DHX30: variants seen among roughly 807,000 people sequenced by gnomAD.
DHX30 encodes the protein ATP-dependent RNA helicase DHX30.
Under a neutral mutation model 116.9 loss-of-function variants are expected in DHX30, and 4 were observed. The ratio of observed to expected loss-of-function variants is 0.03; its 90% CI spans 0.02 to 0.08. The LOEUF (loss-of-function observed/expected upper bound fraction) is 0.08, where lower values mean the gene tolerates loss of function less well. DHX30 is among the 10% of genes least tolerant of loss of function. The pLI, the probability that DHX30 is intolerant of heterozygous loss-of-function variation, is 1.00. For missense variants in DHX30, 871 were observed against 1,595.1 expected (o/e 0.55, Z 7.73); for synonymous variants, 697 against 651.7 (o/e 1.07, Z -1.06).
chr3:47,841,887 G>A, intron 8 of DHX30, 150 bp downstream of exon 8: 3 of 1,124,514 alleles, frequency 2.7e-6, no homozygotes, highest in Non-Finnish European at 3.9e-6. Flanking sequence ...GGGAGGAAAA[G>A]CAGCAGGTGT....
intron 4 of DHX30, 88 bp downstream of exon 4, chr3:47,818,205 C>T (rs889968447): frequency 1.5e-5 from 11 of 712,464 alleles, no homozygotes; most frequent in Non-Finnish European, 2.6e-5. Context: ...GCCAGGGCCA[C>T]AGCCCTCCAG....
Position 47,850,106 on chromosome 3 carries a change from A to G in DHX30, c.3571A>G (p.Thr1191Ala). The change falls in exon 22 of 22, where the codon ACA becomes GCA. Residue 1191 changes from threonine to alanine, a missense_variant. Thr to Ala is a moderately conservative substitution (Grantham distance 58). Transcript: ENST00000445061. The part of the protein sequence containing the change: ...GPCGSFDVRK[T>A]ADD ...CTGTGGCAGCTTTGATGTGCGCAAG[A>G]CAGCTGACGACTGAGCCCTGCTTCT... is the stretch of plus-strand genomic sequence containing the variant. The G allele has an allele frequency of 4.4e-6, 7 of 1,590,670 alleles. No homozygotes were observed. The highest frequency in any genetic ancestry group is 6.0e-6 in the Non-Finnish European group (7 of 1,171,288).
rs142347684 is a variant in DHX30, at chr3:47,846,319, G to C, written c.1247G>C (p.Ser416Thr). 45 of 1,614,110 alleles carry C rather than the reference G, an allele frequency of 2.8e-5. No individual in the cohort carries two copies. Among genetic ancestry groups the C allele is most frequent in the African/African-American group, 4.0e-5 (3 of 74,952 alleles). ...GCAGAGGAGGTACGTCTCAGCCAGA[G>C]TCTGCTAGAACTGTGGCGGCGGCGA... is the stretch of plus-strand genomic sequence containing the variant. Reference protein sequence around the residue: ...LEAEEVRLSQSLLELWRRRGP... With the variant: ...LEAEEVRLSQTLLELWRRRGP... The change falls in exon 11 of 22, where the codon AGT (serine) becomes ACT (threonine). Residue 416 changes from serine (S) to threonine (T), a missense_variant. By Grantham distance (58) the Ser-to-Thr change is moderately conservative. This residue lies in a region of DHX30 where 175 missense variants were observed against 292.9 expected (regional missense o/e 0.60). Coordinates refer to ENST00000445061, the MANE Select transcript of DHX30 (RefSeq NM_138615.3).
intron 3 of DHX30, 118 bp downstream of exon 3, chr3:47,810,829 C>A: frequency 9.3e-7 from 1 of 1,070,822 alleles, no homozygotes; most frequent in Non-Finnish European, 1.4e-6. Flanking sequence ...GGGTGGTTTT[C>A]CAAAGGCCTT....
In DHX30 at chr3:47,845,750, T is replaced by C; in HGVS notation, c.990T>C (p.Tyr330=). 2 of 1,612,390 alleles carry C rather than the reference T, an allele frequency of 1.2e-6. No individual in the cohort carries two copies. The highest frequency in any genetic ancestry group is 2.2e-5 in the East Asian group (1 of 44,802). Residue 330 remains tyrosine, a synonymous_variant, in exon 10 of 22, where the codon TAT becomes TAC. Coordinates refer to ENST00000445061, the MANE Select transcript of DHX30 (RefSeq NM_138615.3). ...ACGAACCGCTTACACACGCCATGTA[T>C]AACCTGGCCTCTTTGCGTGAGCTGG... ...RNNEPLTHAM[Y]NLASLRELGE... is the part of the protein sequence containing the mutation.
rs751184330 is a variant in DHX30 at position 47,848,558 on chromosome 3, GGGGCT to G, written c.2575+27_2575+31del. On this transcript the variant is annotated intron_variant, in intron 16 of 21. Transcript: ENST00000445061. This position sits in a 1 kb window ranked among gnomAD's most constrained non-coding sequence, Gnocchi z 9.4. ...TCTTGCTCCAGGAGATCGGTATGTA[GGGGCT>G]GGGCTGGGCTGGGCTGGGGAGTGGC... is the stretch of plus-strand genomic sequence containing the variant. The G allele has an allele frequency of 4.4e-4, 710 of 1,612,496 alleles. No homozygotes were observed. Among genetic ancestry groups the G allele is most frequent in the Non-Finnish European group, 5.4e-4 (633 of 1,178,772 alleles).
At position 47,847,725 on chromosome 3, in the gene DHX30, A is replaced by AG; in HGVS notation, c.2111-50dup. The stretch of plus-strand genomic sequence containing the variant: ...AAAATCCTTGCCCTGCCCACATTCC[A>AG]GGGGGGAATTCTGGTGGAAGCAGTG... On this transcript the variant is annotated intron_variant, in intron 13 of 21. Coordinates refer to ENST00000445061, the MANE Select transcript of DHX30 (RefSeq NM_138615.3). The surrounding 1 kb of genome is among the most constrained non-coding windows in gnomAD (Gnocchi z 5.5). The AG allele has an allele frequency of 6.3e-7, 1 of 1,580,012 alleles. No individual in the cohort carries two copies. Among genetic ancestry groups the AG allele is most frequent in the Admixed American group, 1.8e-5 (1 of 57,024 alleles).
rs1325744938 is a variant in DHX30 at position 47,847,065 on chromosome 3, T to C, written c.1929+64T>C. 7.1e-6 allele frequency: 11 copies of C among 1,559,994 alleles called. No individual in the cohort carries two copies. The highest frequency in any genetic ancestry group is 1.7e-5 in the Admixed American group (1 of 57,512). On this transcript the variant is annotated intron_variant, in intron 11 of 21. Transcript: ENST00000445061. This position sits in a 1 kb window ranked among gnomAD's most constrained non-coding sequence, Gnocchi z 5.5. ...TTCCTCCGTGGATGCCCCTCCTCCC[T>C]GGCCCTGGGGCTTGGTGCCTGGGGC...
chr3:47,837,474 A>C lies in DHX30; in HGVS notation c.367-3403A>C, dbSNP rs1033743761. Among the ~76,000 whole-genome samples the C allele has an allele frequency of 3.3e-5, 5 of 152,178 alleles. No individual in the cohort carries two copies. In the South Asian group the frequency reaches 1.0e-3, roughly 32 times the overall value. ...CGGCAGCTGTGGAGGAGGTTTCTTC[A>C]ACGGTATTAGAGGGCCAGGCATGAG... is the stretch of plus-strand genomic sequence containing the variant. On this transcript the variant is annotated intron_variant, in intron 6 of 21. Coordinates refer to ENST00000445061, the MANE Select transcript of DHX30 (RefSeq NM_138615.3).
At chr3:47,812,388 C>G (rs1446046641) in intron 3 of DHX30, among the ~76,000 whole-genome samples, 1 of 150,978 alleles carries the variant, frequency 6.6e-6, no homozygotes, top group Non-Finnish European at 1.5e-5. Context: ...TGAGACCCGT[C>G]TCTACTAAAA....
In DHX30 at chr3:47,849,256, C is replaced by T; in HGVS notation, c.2994C>T (p.Cys998=). 1 of 1,614,146 alleles carries T rather than the reference C, an allele frequency of 6.2e-7. No individual in the cohort carries two copies. Among genetic ancestry groups the T allele is most frequent in the Non-Finnish European group, 8.5e-7 (1 of 1,180,038 alleles). The change falls in exon 19 of 22, where the codon TGC becomes TGT. Residue 998 remains cysteine, a synonymous_variant. Coordinates refer to ENST00000445061, the MANE Select transcript of DHX30 (RefSeq NM_138615.3). ...TCCTGGTGGGGAAGCCCTCGGACTGCACCCTGGCCTCCGCCCAGTGCAACG... is the reference window on the plus strand; with the variant it reads ...TCCTGGTGGGGAAGCCCTCGGACTGTACCCTGGCCTCCGCCCAGTGCAACG... ...EAFLVGKPSD[C]TLASAQCNEY...
rs2036484093 is a variant in DHX30 at position 47,825,053 on chromosome 3, G to T, written c.125-2294G>T. The T allele has an allele frequency of 7.6e-6, 5 of 661,370 alleles. No individual in the cohort carries two copies. The South Asian group carries it at 7.8e-5, about 10-fold the overall frequency. 41.0% of individuals were successfully genotyped at this position (661,370 alleles called of 1,614,324 possible). On this transcript the variant is annotated intron_variant, in intron 4 of 21. Transcript: ENST00000445061. ...GGCGGGAGCACGATGGCGGCCGCTA[G>T]GAGACTCATGGCGCTGGCCGCCGGC...
Position 47,847,989 on chromosome 3 carries a change from T to G in DHX30, c.2286+33T>G. The stretch of plus-strand genomic sequence containing the variant: ...CTACCTCCTGGGCCCGGCCAACCAC[T>G]GGGGGAGGGACTCCGTTTTGAGGTG... On this transcript the variant is annotated intron_variant, in intron 14 of 21. Coordinates refer to ENST00000445061, the MANE Select transcript of DHX30 (RefSeq NM_138615.3). This position sits in a 1 kb window ranked among gnomAD's most constrained non-coding sequence, Gnocchi z 5.5. The G allele has an allele frequency of 6.2e-7, 1 of 1,609,600 alleles. No individual in the cohort carries two copies. Among genetic ancestry groups the G allele is most frequent in the Non-Finnish European group, 8.5e-7 (1 of 1,176,524 alleles).
intron 6 of DHX30, among the ~76,000 whole-genome samples, chr3:47,835,592 A>C (rs943834942): frequency 3.1e-4 from 47 of 151,846 alleles, no homozygotes; most frequent in Non-Finnish European, 5.2e-4. Flanking sequence ...GGTGTAAGCC[A>C]CTGCGCCCGG....
chr3:47,847,422 T>C lies in DHX30; in HGVS notation c.2006-10T>C, dbSNP rs533369301. The C allele has an allele frequency of 2.0e-5, 33 of 1,613,736 alleles. No individual in the cohort carries two copies. The East Asian group carries it at 4.7e-4, about 23-fold the overall frequency. The stretch of plus-strand genomic sequence containing the variant: ...CAACAGCTGGCTCATGCCCCAGGGC[T>C]CCTTTACAGGTGGGATCCTGTGCTT... On this transcript the variant is annotated splice_polypyrimidine_tract_variant and intron_variant, in intron 12 of 21. Coordinates refer to ENST00000445061, the MANE Select transcript of DHX30 (RefSeq NM_138615.3). This position sits in a 1 kb window ranked among gnomAD's most constrained non-coding sequence, Gnocchi z 5.5.
intron 6 of DHX30, among the ~76,000 whole-genome samples, chr3:47,836,579 C>T (rs564843744): frequency 6.6e-5 from 10 of 151,608 alleles, no homozygotes; most frequent in African/African-American, 1.2e-4. Flanking sequence ...AGTGCAGTGG[C>T]GCAATCTCGG....
At chr3:47,838,448 A>G (rs945861015) in intron 6 of DHX30, among the ~76,000 whole-genome samples, 2 of 152,210 alleles carry the variant, frequency 1.3e-5, no homozygotes, top group African/African-American at 4.8e-5. Flanking sequence ...TGCTTAGTCC[A>G]TACCTTTCTG....
Position 47,849,791 on chromosome 3 carries a change from G to A in DHX30, c.3331+22G>A, listed in dbSNP as rs375251276. 3.4e-5 allele frequency: 55 copies of A among 1,608,136 alleles called. No homozygotes were observed. In the African/African-American group the frequency reaches 5.2e-4, roughly 15 times the overall value. On this transcript the variant is annotated intron_variant, in intron 21 of 21. Transcript: ENST00000445061. ...CGTGGTGGGTGCCTGCAGGCCTCCC[G>A]CCCACCCCGCTCTGCAGCTGCTCCT... is the stretch of plus-strand genomic sequence containing the variant.
Position 47,843,269 on chromosome 3 carries a change from G to C in DHX30, c.939+14G>C. 6.2e-7 allele frequency: 1 copy of C among 1,613,966 alleles called. No individual in the cohort carries two copies. Among genetic ancestry groups the C allele is most frequent in the African/African-American group, 1.3e-5 (1 of 75,066 alleles). ...AAGAAACTGAAGGTGAGTCCAGGAA[G>C]GTCCTGGGTGTGGTGCATGAGAATG... is the stretch of plus-strand genomic sequence containing the variant. On this transcript the variant is annotated intron_variant, in intron 9 of 21. Coordinates refer to ENST00000445061, the MANE Select transcript of DHX30 (RefSeq NM_138615.3).
Sources: gnomAD v4.1 joint callset for allele counts (sites outside exome capture counted in the v4.1 genomes callset) on GRCh38, gnomAD v4.1.1 for gene constraint, gnomAD v4.1.1 regional missense constraint, Gnocchi (gnomAD v3.1) non-coding constraint, MANE v1.5 for transcripts, NCBI Gene and HGNC (gene_info 2026-07-23, HGNC 2026-07-21) for gene names.